NPNT: variants seen among roughly 807,000 people sequenced by gnomAD.
NPNT encodes preosteoblast EGF-like repeat protein with MAM domain.
In NPNT, 45 loss-of-function variants were observed where a neutral mutation model predicts 68.6. That is an observed-to-expected ratio of 0.66 (90% CI 0.52 to 0.84). NPNT has a LOEUF of 0.84. Ranked by LOEUF, NPNT falls within the 40% of genes least tolerant of loss-of-function variation. NPNT has a pLI of 0.00. For synonymous variants in NPNT, 233 were observed against 253.3 expected (o/e 0.92, Z 0.76); for missense variants, 672 against 714.8 (o/e 0.94, Z 0.68).
intron 3 of NPNT, among the ~76,000 whole-genome samples, chr4:105,931,794 C>T (rs1578631504): frequency 6.6e-6 from 1 of 151,808 alleles, no homozygotes; most frequent in East Asian, 1.9e-4. Flanking sequence ...GAGCCAAGAT[C>T]GAGCGGCTGC....
intron 3 of NPNT, chr4:105,932,455 C>A: frequency 2.1e-6 from 1 of 482,196 alleles, no homozygotes; most frequent in Non-Finnish European, 3.6e-6. Flanking sequence ...AAAGAGAAAC[C>A]AGAAGAACCA....
At chr4:105,968,857 C>A in intron 11 of NPNT, 38 bp from the exon 12 acceptor site, 2 of 1,215,096 alleles carry the variant, frequency 1.6e-6, no homozygotes, top group Non-Finnish European at 2.4e-6. Context: ...TAGAAAGGGG[C>A]AGAGGAGGCT....
chr4:105,946,214 A>T (rs948171403), intron 8 of NPNT, among the ~76,000 whole-genome samples: 1 of 152,204 alleles, frequency 6.6e-6, no homozygotes, highest in Non-Finnish European at 1.5e-5. Flanking sequence ...TCCATTTGCT[A>T]CTTCCAAAAG....
At position 105,942,498 on chromosome 4, in the gene NPNT, A is replaced by C. The variant is rs144959760; in HGVS notation, c.955A>C (p.Thr319Pro). 2.6e-4 allele frequency: 422 copies of C among 1,613,786 alleles called. 2 individuals carry two copies. In the Middle Eastern group the frequency reaches 3.6e-3, roughly 14 times the overall value. ...TACTTCTAAGCCAACAACAAGACCT[A>C]CACCAAAGCCAACACCAATTCCTAC... ...RPTSKPTTRP[T>P]PKPTPIPTPP... is the part of the protein sequence containing the mutation. Residue 319 changes from threonine to proline, a missense_variant, in exon 8 of 12, where the codon ACA becomes CCA. Thr to Pro is a conservative substitution (Grantham distance 38). Coordinates refer to ENST00000379987, the MANE Select transcript of NPNT (RefSeq NM_001033047.3).
At chr4:105,944,718 CT>C in intron 8 of NPNT, among the ~76,000 whole-genome samples, 1 of 152,332 alleles carries the variant, frequency 6.6e-6, no homozygotes, top group South Asian at 2.1e-4. Context: ...GCATTGCTGC[CT>C]TTAGAAACTC....
At chr4:105,900,418 T>C (rs938601170) in intron 2 of NPNT, among the ~76,000 whole-genome samples, 8 of 152,222 alleles carry the variant, frequency 5.3e-5, no homozygotes, top group African/African-American at 1.9e-4. Flanking sequence ...TGAGTGTTTA[T>C]TCCGTTTGGT....
Position 105,970,644 on chromosome 4 carries a change from AAAG to A in NPNT, c.*1658_*1660del. On this transcript the variant is annotated 3_prime_UTR_variant, in exon 12 of 12. Transcript: ENST00000379987. The stretch of plus-strand genomic sequence containing the variant: ...GCCATTGTTAGAATACTTCATAAAA[AAAG>A]AAGTGTGAAAATCTCAGTATCTCTC... 1 of 607,676 alleles carries A rather than the reference AAAG, an allele frequency of 1.6e-6. No homozygotes were observed. Among genetic ancestry groups the A allele is most frequent in the South Asian group, 1.6e-5 (1 of 60,748 alleles). The allele number at this position is 607,676 out of a possible 1,614,324, so 37.6% of individuals were successfully genotyped here. A position where few individuals can be genotyped will look rare whatever the true frequency, so the allele number is the denominator to read the frequency against.
intron 2 of NPNT, among the ~76,000 whole-genome samples, chr4:105,920,912 T>C (rs1728209844): frequency 6.6e-6 from 1 of 152,156 alleles, no homozygotes; most frequent in Non-Finnish European, 1.5e-5. Context: ...AAATAAAATG[T>C]GAAGCCCAAA....
intron 2 of NPNT, among the ~76,000 whole-genome samples, chr4:105,905,090 A>C (rs1273749087): frequency 6.6e-6 from 1 of 150,742 alleles, no homozygotes; most frequent in Non-Finnish European, 1.5e-5. Flanking sequence ...TTTTTTCTAG[A>C]CTTATAACCT....
chr4:105,935,144 A>G (rs1234746044), intron 3 of NPNT, among the ~76,000 whole-genome samples: 1 of 152,184 alleles, frequency 6.6e-6, no homozygotes, highest in Non-Finnish European at 1.5e-5. Flanking sequence ...AAATAAACCT[A>G]GGGATACTTA....
chr4:105,958,321 T>C (rs1458425943), intron 8 of NPNT, 150 bp from the exon 9 acceptor site: 6 of 448,152 alleles, frequency 1.3e-5, no homozygotes, highest in Non-Finnish European at 1.6e-5. Context: ...AATTCGTGAA[T>C]CTTCATGTGA....
At chr4:105,939,519 A>G (rs977883345) in intron 5 of NPNT, among the ~76,000 whole-genome samples, 2 of 152,222 alleles carry the variant, frequency 1.3e-5, no homozygotes, top group African/African-American at 4.8e-5. Flanking sequence ...GCAAGTAGAA[A>G]TAGTTAAAAG....
chr4:105,931,330 T>C (rs1729087309), intron 3 of NPNT, among the ~76,000 whole-genome samples: 1 of 152,188 alleles, frequency 6.6e-6, no homozygotes, highest in African/African-American at 2.4e-5. Flanking sequence ...TAAATGTCAA[T>C]TCCTAATGTT....
Position 105,971,337 on chromosome 4 carries a change from C to T in NPNT, c.*2347C>T, listed in dbSNP as rs1732551403. 1 of 283,198 alleles carries T rather than the reference C, an allele frequency of 3.5e-6. No homozygotes were observed. The highest frequency in any genetic ancestry group is 4.2e-5 in the Admixed American group (1 of 23,980). 17.5% of individuals were successfully genotyped at this position (283,198 alleles called of 1,614,324 possible). On this transcript the variant is annotated 3_prime_UTR_variant, in exon 12 of 12. Transcript: ENST00000379987. ...AACAATAGGTACAATAGAAGGTCTT[C>T]TGTCATTTAACCTGGTAAAGGCAGG...
chr4:105,919,076 A>G (rs527938430), intron 2 of NPNT, among the ~76,000 whole-genome samples: 28 of 152,298 alleles, frequency 1.8e-4, no homozygotes, highest in Non-Finnish European at 2.9e-4. Context: ...AAAAGTTAAC[A>G]ACTACTCACA....
In NPNT at chr4:105,940,064, T is replaced by G. The variant is rs1729807828; in HGVS notation, c.506-11T>G. 6.2e-7 allele frequency: 1 copy of G among 1,611,942 alleles called. No individual in the cohort carries two copies. Among genetic ancestry groups the G allele is most frequent in the African/African-American group, 1.3e-5 (1 of 74,994 alleles). On this transcript the variant is annotated splice_polypyrimidine_tract_variant and intron_variant, in intron 5 of 11. Transcript: ENST00000379987. The stretch of plus-strand genomic sequence containing the variant: ...TGCTCTTCCTAAAATGCTATTGACT[T>G]ATGTTTCTAGATGTTGATGAATGTG...
At chr4:105,896,082 A>C in intron 1 of NPNT, 1 of 266,550 alleles carries the variant, frequency 3.8e-6, no homozygotes, top group Non-Finnish European at 7.1e-6. Flanking sequence ...CTTACCCGGG[A>C]AACTCCCGCG....
At chr4:105,953,227 A>G (rs1329861987) in intron 8 of NPNT, among the ~76,000 whole-genome samples, 1 of 152,158 alleles carries the variant, frequency 6.6e-6, no homozygotes, top group Non-Finnish European at 1.5e-5. Context: ...AACTTTATTA[A>G]AAGTTCCTAC....
intron 1 of NPNT, 147 bp from the exon 2 acceptor site, chr4:105,897,754 G>A (rs34936152): frequency 0.01 from 6,630 of 657,326 alleles, 43 homozygotes; most frequent in Middle Eastern, 0.022. Flanking sequence ...CTGTGAAGGT[G>A]TTTTAACCTT....
Sources: allele counts gnomAD v4.1 joint callset (sites outside exome capture counted in the v4.1 genomes callset), GRCh38; gene constraint gnomAD v4.1.1; transcripts MANE v1.5; gene names NCBI Gene and HGNC (gene_info 2026-07-23, HGNC 2026-07-21).